PCDH15: variants seen among roughly 807,000 people sequenced by gnomAD.
PCDH15 encodes the protein protocadherin-15.
A neutral mutation model predicts 178.5 loss-of-function variants in PCDH15; 129 were observed. The observed-to-expected ratio is 0.72, with a 90% CI of 0.63 to 0.84. PCDH15 has a LOEUF of 0.84. PCDH15 is among the 40% of genes least tolerant of loss of function. The pLI is 0.00. For synonymous variants in PCDH15, 800 were observed against 732.0 expected (o/e 1.09, Z -1.50); for missense variants, 2,230 against 2,099.9 (o/e 1.06, Z -1.21).
At chr10:54,743,157 T>C (rs1945028461) in intron 1 of PCDH15, among the ~76,000 whole-genome samples, 2 of 152,036 alleles carry the variant, frequency 1.3e-5, no homozygotes, top group Admixed American at 1.3e-4. Context: ...AATCGGGATA[T>C]ATTTTCCAGA....
intron 2 of PCDH15, among the ~76,000 whole-genome samples, chr10:55,052,529 G>A (rs1841190787): frequency 5.3e-5 from 2 of 37,486 alleles, no homozygotes; most frequent in South Asian, 3.8e-3. Context: ...CGAAAACCCC[G>A]TCTCATACAA....
At chr10:54,574,019 CTTTAG>C (rs1208137108) in intron 2 of PCDH15, among the ~76,000 whole-genome samples, 14 of 152,260 alleles carry the variant, frequency 9.2e-5, no homozygotes, top group African/African-American at 2.9e-4. Flanking sequence ...TGCAGAAGCT[CTTTAG>C]TTTAATTAGA....
chr10:54,884,551 A>C (rs1222373978), intron 3 of PCDH15, among the ~76,000 whole-genome samples: 3 of 151,530 alleles, frequency 2.0e-5, no homozygotes, highest in Non-Finnish European at 4.4e-5. Flanking sequence ...AATAGTTCTT[A>C]GACATATTTA....
chr10:53,831,180 G>A lies in PCDH15; in HGVS notation c.4202+135C>T, dbSNP rs1267563477. 4.8e-6 allele frequency: 4 copies of A among 838,932 alleles called. No homozygotes were observed. The South Asian group carries it at 5.4e-5, about 11-fold the overall frequency. The allele number at this position is 838,932 out of a possible 1,614,324, so 52.0% of individuals were successfully genotyped here. On this transcript the variant is annotated intron_variant, in intron 30 of 37. Transcript: ENST00000644397. ...TTTTGAAGAAAATCATTTGGTACGA[G>A]ATAGACAGACAGATAAAGCAATCTC...
At chr10:54,350,642 G>A (rs1033170467) in intron 5 of PCDH15, among the ~76,000 whole-genome samples, 2 of 152,210 alleles carry the variant, frequency 1.3e-5, no homozygotes, top group African/African-American at 4.8e-5. Context: ...TATGCCAGAT[G>A]CAAAAAAGCA....
chr10:55,016,414 T>G (rs958050576), intron 2 of PCDH15, among the ~76,000 whole-genome samples: 4 of 152,082 alleles, frequency 2.6e-5, no homozygotes, highest in Non-Finnish European at 4.4e-5. Context: ...CCCATCACCT[T>G]CCCCAGCCCC....
At chr10:54,808,875 C>A (rs1952819258) in intron 3 of PCDH15, among the ~76,000 whole-genome samples, 1 of 151,536 alleles carries the variant, frequency 6.6e-6, no homozygotes, top group Non-Finnish European at 1.5e-5. Flanking sequence ...CACATTATAT[C>A]TTTAACTAAG....
chr10:55,172,610 T>C (rs1004813037), intron 1 of PCDH15, among the ~76,000 whole-genome samples: 1 of 152,076 alleles, frequency 6.6e-6, no homozygotes, highest in African/African-American at 2.4e-5. Context: ...AATAACTCCA[T>C]GAAATTATTT....
intron 1 of PCDH15, among the ~76,000 whole-genome samples, chr10:55,243,955 T>G (rs1295833169): frequency 6.6e-6 from 1 of 152,142 alleles, no homozygotes; most frequent in Non-Finnish European, 1.5e-5. Context: ...TTATAAGTGT[T>G]TCTTTATAAA....
intron 3 of PCDH15, among the ~76,000 whole-genome samples, chr10:54,896,220 G>C (rs964939379): frequency 3.3e-5 from 5 of 152,056 alleles, no homozygotes; most frequent in Non-Finnish European, 7.4e-5. Flanking sequence ...AAACATAAAT[G>C]CAAATCAGTT....
chr10:54,478,929 A>G (rs2078486671), intron 3 of PCDH15, among the ~76,000 whole-genome samples: 1 of 151,658 alleles, frequency 6.6e-6, no homozygotes, highest in Non-Finnish European at 1.5e-5. Context: ...ATGTAGAGTT[A>G]TTATGTGTGT....
At chr10:54,872,803 C>T (rs753979253) in intron 3 of PCDH15, among the ~76,000 whole-genome samples, 4 of 151,960 alleles carry the variant, frequency 2.6e-5, no homozygotes, top group Non-Finnish European at 5.9e-5. Context: ...CTCTGATAGG[C>T]CAGATGTACC....
intron 14 of PCDH15, among the ~76,000 whole-genome samples, chr10:54,146,154 A>T (rs2043885226): frequency 6.6e-6 from 1 of 152,034 alleles, no homozygotes; most frequent in Non-Finnish European, 1.5e-5. Flanking sequence ...TTTTTTACTA[A>T]TGATAAACTT....
At chr10:54,080,045 T>C (rs1180407366) in intron 16 of PCDH15, among the ~76,000 whole-genome samples, 4 of 152,242 alleles carry the variant, frequency 2.6e-5, no homozygotes, top group East Asian at 1.9e-4. Context: ...TATATGATTG[T>C]TTCAGAAGAG....
At chr10:55,621,947 ATCAT>A (rs897149132) in intron 2 of PCDH15, among the ~76,000 whole-genome samples, 51 of 147,690 alleles carry the variant, frequency 3.5e-4, no homozygotes, top group African/African-American at 1.1e-3. Context: ...CTTTTTAAAG[ATCAT>A]TCATAGTTAA....
intron 8 of PCDH15, among the ~76,000 whole-genome samples, chr10:54,283,005 C>T (rs1396454199): frequency 6.6e-6 from 1 of 151,704 alleles, no homozygotes; most frequent in Non-Finnish European, 1.5e-5. Context: ...AAAAGTAGAC[C>T]TTACTATGAA....
At chr10:54,185,705 C>CA (rs1008976030) in intron 11 of PCDH15, among the ~76,000 whole-genome samples, 1 of 151,806 alleles carries the variant, frequency 6.6e-6, no homozygotes, top group African/African-American at 2.4e-5. Flanking sequence ...TAATAAACTG[C>CA]ATATATACAT....
At chr10:54,217,726 G>A (rs2052260741) in intron 9 of PCDH15, among the ~76,000 whole-genome samples, 1 of 152,082 alleles carries the variant, frequency 6.6e-6, no homozygotes, top group South Asian at 2.1e-4. Context: ...TATTTCTAAT[G>A]TTCAGACTAT....
intron 27 of PCDH15, 40 bp downstream of exon 27, chr10:53,866,602 A>G: frequency 1.4e-6 from 2 of 1,464,620 alleles, no homozygotes; most frequent in South Asian, 2.3e-5. Flanking sequence ...TATGGCTAGT[A>G]TCGTAGCTAC....
Sources: allele counts gnomAD v4.1 joint callset (sites outside exome capture counted in the v4.1 genomes callset), GRCh38; gene constraint gnomAD v4.1.1; transcripts MANE v1.5; gene names NCBI Gene and HGNC (gene_info 2026-07-23, HGNC 2026-07-21).